The following IL3RA variants were observed in gnomAD, a reference collection of about 807,000 sequenced individuals.
The protein encoded by IL3RA is interleukin-3 receptor subunit alpha.
In IL3RA, 73 loss-of-function variants were observed where a neutral mutation model predicts 52.3. The observed-to-expected ratio is 1.40, with a 90% confidence interval of 1.16 to 1.70. The LOEUF (loss-of-function observed/expected upper bound fraction) is 1.70, where lower values mean the gene tolerates loss of function less well. Among genes scored for constraint, IL3RA ranks in the 40% most tolerant of loss-of-function variants. The pLI is 0.00. For missense variants in IL3RA, 664 were observed against 504.4 expected, an observed-to-expected ratio of 1.32 and a Z score of -3.03; for synonymous variants, 260 against 194.0, an observed-to-expected ratio of 1.34 and a Z score of -2.83.
chrX:1,356,290 G>A lies in IL3RA; in HGVS notation c.686G>A (p.Arg229Lys). The A allele has an allele frequency of 6.2e-7, 1 of 1,613,636 alleles. No homozygotes were observed. The highest frequency in any genetic ancestry group is 8.5e-7 in the Non-Finnish European group (1 of 1,179,734). The change falls in exon 7 of 12, where the codon AGA becomes AAA. Residue 229 changes from arginine to lysine, a missense_variant. Transcript: ENST00000331035. ...KTHSFMHWKM[R>K]SHFNRKFRYE... ...CATTCCTTTATGCACTGGAAAATGA[G>A]AAGTCATTTCAATCGCAAATTTCGC...
chrX:1,352,656 G>A lies in IL3RA; in HGVS notation c.616+150G>A, dbSNP rs1337255014. On this transcript the variant is annotated intron_variant, in intron 6 of 11. Transcript: ENST00000331035. ...CTGGACGTTGGAGGTCAGCGTGCTG[G>A]CTGGCTGGGCTCCTCGGGAGGTCTC... 14 of 773,622 alleles carry A rather than the reference G, an allele frequency of 1.8e-5. No individual in the cohort carries two copies. The African/African-American group carries it at 2.5e-4, about 14-fold the overall frequency. The allele number at this position is 773,622 out of a possible 1,614,324, so 47.9% of individuals were successfully genotyped here.
intron 4 of IL3RA, among the ~76,000 whole-genome samples, chrX:1,351,754 G>A (rs1238426244): frequency 5.6e-5 from 8 of 143,114 alleles, no homozygotes; most frequent in Non-Finnish European, 1.1e-4. Flanking sequence ...TCAGCCTCCC[G>A]AGTAGCTGGG....
intron 8 of IL3RA, among the ~76,000 whole-genome samples, chrX:1,362,434 GTC>G (rs2087514116): frequency 6.9e-6 from 1 of 144,376 alleles, no homozygotes; most frequent in South Asian, 2.2e-4. Context: ...CCTTCTCTGT[GTC>G]TCTTTGTATC....
intron 9 of IL3RA, 128 bp from the exon 10 acceptor site, chrX:1,378,531 G>A (rs1422768331): frequency 8.2e-5 from 62 of 756,724 alleles, no homozygotes; most frequent in Non-Finnish European, 1.3e-4. Context: ...CTACTGGGGT[G>A]TCCCCCCCTG....
intron 8 of IL3RA, among the ~76,000 whole-genome samples, chrX:1,362,110 C>CT (rs2087455999): frequency 6.6e-6 from 1 of 151,048 alleles, no homozygotes; most frequent in South Asian, 2.1e-4. Flanking sequence ...ATCACCCACT[C>CT]TGTCTCTTTG....
intron 4 of IL3RA, among the ~76,000 whole-genome samples, chrX:1,349,187 C>CT (rs763387173): frequency 0.67 from 93,067 of 139,578 alleles, 31,442 homozygotes; most frequent in Middle Eastern, 0.8. Context: ...TTTTAAACAC[C>CT]TTTTTTTTTT....
chrX:1,357,219 G>C (rs1322693979), intron 7 of IL3RA, among the ~76,000 whole-genome samples: 1 of 152,112 alleles, frequency 6.6e-6, no homozygotes, highest in Admixed American at 6.6e-5. Context: ...CTCCCAAAGT[G>C]CTGGGATTAC....
chrX:1,347,546 G>C (rs2085804173), intron 3 of IL3RA, among the ~76,000 whole-genome samples: 1 of 151,744 alleles, frequency 6.6e-6, no homozygotes, highest in African/African-American at 2.4e-5. Flanking sequence ...TTGAACCCGA[G>C]AGGTGGAGGT....
intron 8 of IL3RA, among the ~76,000 whole-genome samples, chrX:1,364,729 C>G (rs1338277123): frequency 6.6e-6 from 1 of 151,894 alleles, no homozygotes; most frequent in Non-Finnish European, 1.5e-5. Context: ...TCTCCCACCT[C>G]AGCCTCCAAA....
intron 8 of IL3RA, among the ~76,000 whole-genome samples, chrX:1,359,715 CCTGT>C (rs1196473665): frequency 4.6e-5 from 6 of 131,290 alleles, no homozygotes; most frequent in Admixed American, 7.6e-5. Flanking sequence ...TCTCTCTCTC[CCTGT>C]CTCTCTCTCC....
At chrX:1,380,661 TA>T (rs1454244242) in intron 10 of IL3RA, among the ~76,000 whole-genome samples, 16 of 15,852 alleles carry the variant, frequency 1.0e-3, no homozygotes, top group Admixed American at 4.0e-3. Flanking sequence ...GAGGGAGGGG[TA>T]GGGGGGAAGG....
intron 9 of IL3RA, among the ~76,000 whole-genome samples, chrX:1,377,093 C>T (rs1388914179): frequency 1.8e-5 from 2 of 114,218 alleles, no homozygotes; most frequent in Non-Finnish European, 3.5e-5. Context: ...CAAGGGACAA[C>T]CCTGTGGGAC....
rs749780131 is a variant in IL3RA at position 1,352,327 on chromosome X, G to A, written c.437G>A (p.Arg146His). ...YDLYLNVANR[R>H]QQYECLHYKT... is the part of the protein sequence containing the mutation. ...AACCTTACCGCTTACCGCAGCAGGC[G>A]TCAACAGTACGAGTGTCTTCACTAC... Residue 146 changes from arginine to histidine, a missense_variant, in exon 6 of 12, where the codon CGT becomes CAT. Transcript: ENST00000331035. 6.2e-6 allele frequency: 10 copies of A among 1,613,726 alleles called. No individual in the cohort carries two copies. In the Admixed American group the frequency reaches 8.3e-5, roughly 13 times the overall value.
At chrX:1,366,472 G>A (rs1409980839) in intron 9 of IL3RA, among the ~76,000 whole-genome samples, 2 of 83,922 alleles carry the variant, frequency 2.4e-5, no homozygotes, top group Non-Finnish European at 4.8e-5. Context: ...GGGTGAGCGG[G>A]GTGAGCGGGG....
chrX:1,345,428 T>C lies in IL3RA; in HGVS notation c.177T>C (p.Ser59=), dbSNP rs763918632. 2.5e-6 allele frequency: 4 copies of C among 1,579,464 alleles called. No homozygotes were observed. Among genetic ancestry groups the C allele is most frequent in the Non-Finnish European group, 3.5e-6 (4 of 1,154,424 alleles). Residue 59 remains serine, a synonymous_variant, in exon 3 of 12, where the codon TCT becomes TCC. Transcript: ENST00000331035. ...DIECVKDADY[S]MPAVNNSYCQ... ...AGTGTGTTAAAGACGCCGACTATTC[T>C]ATGCCGGTAAATCATACTCTCTATT...
chrX:1,350,562 C>G (rs1235737789), intron 4 of IL3RA, among the ~76,000 whole-genome samples: 2 of 145,216 alleles, frequency 1.4e-5, no homozygotes, highest in Admixed American at 1.4e-4. Context: ...GCTCTCCAGC[C>G]TGGGCAACAA....
chrX:1,354,639 GGAGGAGGTGGAGATGGGGAGGGGAGGAA>G (rs1348045873), intron 6 of IL3RA, among the ~76,000 whole-genome samples: 1 of 89,258 alleles, frequency 1.1e-5, no homozygotes, highest in Non-Finnish European at 2.4e-5. Context: ...AAGAGGAGGG[GGAGGAGGTGGAGATGGGGAGGGGAGGAA>G]GAGGAGGAAG....
At chrX:1,338,969 T>G (rs1350417691) in intron 1 of IL3RA, among the ~76,000 whole-genome samples, 1 of 151,964 alleles carries the variant, frequency 6.6e-6, no homozygotes, top group African/African-American at 2.4e-5. Flanking sequence ...CTGGCTAATT[T>G]TTGTATGTTT....
rs749915082 is a variant in IL3RA at position 1,346,069 on chromosome X, CT to C, written c.183+638del. ...GTGGCTCACGTCTGTAATCCCAGCA[CT>C]TTGGGAGGCTGAGGCGGGCGGATCA... is the stretch of plus-strand genomic sequence containing the variant. On this transcript the variant is annotated intron_variant, in intron 3 of 11. Transcript: ENST00000331035. Among the ~76,000 whole-genome samples, 594 of 151,930 alleles carry C rather than the reference CT, an allele frequency of 3.9e-3. 23 individuals are homozygous for C. Among genetic ancestry groups the C allele is most frequent in the African/African-American group, 0.014 (570 of 41,330 alleles).
Sources: allele counts gnomAD v4.1 joint callset (sites outside exome capture counted in the v4.1 genomes callset), GRCh38; gene constraint gnomAD v4.1.1; transcripts MANE v1.5; gene names NCBI Gene and HGNC (gene_info 2026-07-23, HGNC 2026-07-21).